The following ATP6V0D2 variants were observed in gnomAD, a reference collection of about 807,000 sequenced individuals.
ATP6V0D2 encodes V-type proton ATPase subunit d 2.
Under a neutral mutation model 40.0 loss-of-function variants are expected in ATP6V0D2, and 40 were observed. The observed-to-expected ratio is 1.00, with a 90% CI of 0.78 to 1.30. The LOEUF (loss-of-function observed/expected upper bound fraction) is 1.30, where lower values mean the gene tolerates loss of function less well. ATP6V0D2 is among the 50% of genes most tolerant of loss of function. The pLI is 0.00. For synonymous variants in ATP6V0D2, 179 were observed against 156.3 expected (o/e 1.15, Z -1.08); for missense variants, 470 against 423.1 (o/e 1.11, Z -0.97).
intron 3 of ATP6V0D2, among the ~76,000 whole-genome samples, chr8:86,140,330 A>G (rs944803270): frequency 2.0e-5 from 3 of 148,956 alleles, no homozygotes; most frequent in Middle Eastern, 3.2e-3. Context: ...TTTAAAAAGC[A>G]AAAAAAAAAT....
chr8:86,132,134 C>T (rs1179391569), intron 2 of ATP6V0D2, among the ~76,000 whole-genome samples: 1 of 152,142 alleles, frequency 6.6e-6, no homozygotes, highest in African/African-American at 2.4e-5. Flanking sequence ...TGATGTATAG[C>T]CCTGAGGTAT....
At chr8:86,123,684 C>T (rs1361339953) in intron 2 of ATP6V0D2, among the ~76,000 whole-genome samples, 3 of 152,044 alleles carry the variant, frequency 2.0e-5, no homozygotes, top group African/African-American at 4.8e-5. Context: ...AAAGGATTTG[C>T]AAGTAAGATA....
At chr8:86,151,563 A>G in intron 7 of ATP6V0D2, 23 bp downstream of exon 7, 3 of 1,557,740 alleles carry the variant, frequency 1.9e-6, no homozygotes, top group Non-Finnish European at 2.6e-6. Context: ...TGGAAATACT[A>G]TTAGCTTATT....
At chr8:86,150,369 C>A in intron 6 of ATP6V0D2, 81 bp downstream of exon 6, 1 of 1,341,610 alleles carries the variant, frequency 7.5e-7, no homozygotes, top group South Asian at 1.4e-5. Flanking sequence ...ATCAAATTTC[C>A]GCTTATACTC....
intron 2 of ATP6V0D2, among the ~76,000 whole-genome samples, chr8:86,120,215 GTGACA>G: frequency 2.0e-5 from 3 of 152,142 alleles, no homozygotes; most frequent in Non-Finnish European, 4.4e-5. Context: ...GGTGAACATA[GTGACA>G]CCCTGTCTCT....
chr8:86,121,738 A>G (rs187464396), intron 2 of ATP6V0D2, among the ~76,000 whole-genome samples: 1 of 145,366 alleles, frequency 6.9e-6, no homozygotes, highest in East Asian at 2.2e-4. Context: ...CTTCCAGTAT[A>G]TCTTGCAAAT....
intron 2 of ATP6V0D2, among the ~76,000 whole-genome samples, chr8:86,124,274 T>C (rs1818711121): frequency 6.6e-6 from 1 of 152,210 alleles, no homozygotes; most frequent in Non-Finnish European, 1.5e-5. Flanking sequence ...CTGGCGCTAT[T>C]CTGCCAAAGC....
chr8:86,119,384 G>A (rs779886678), intron 2 of ATP6V0D2, among the ~76,000 whole-genome samples: 2 of 151,748 alleles, frequency 1.3e-5, no homozygotes, highest in South Asian at 2.1e-4. Flanking sequence ...GCACACCACC[G>A]TACCCAGCTA....
rs1818555028 is a variant in ATP6V0D2 at position 86,113,702 on chromosome 8, AT to A, written c.131-4del. On this transcript the variant is annotated splice_region_variant and splice_polypyrimidine_tract_variant and intron_variant, in intron 1 of 7. Coordinates refer to ENST00000285393, the MANE Select transcript of ATP6V0D2 (RefSeq NM_152565.1). ...TTAACCTGAATTGGGGTTTCATTTA[AT>A]TTCAGACCTGAAAATTCATCTCCAG... The A allele has an allele frequency of 6.3e-7, 1 of 1,584,490 alleles. No homozygotes were observed. The highest frequency in any genetic ancestry group is 1.2e-5 in the South Asian group (1 of 86,472).
In ATP6V0D2 at chr8:86,113,761, C is replaced by A. The variant is rs573615992; in HGVS notation, c.183C>A (p.His61Gln). 933 of 1,613,096 alleles carry A rather than the reference C, an allele frequency of 5.8e-4. 12 individuals carry two copies. The South Asian group carries it at 9.7e-3, about 17-fold the overall frequency. Residue 61 changes from histidine (H) to glutamine (Q), a missense_variant, in exon 2 of 8, where the codon CAC becomes CAA. His to Gln is a conservative substitution (Grantham distance 24). Transcript: ENST00000285393. The stretch of plus-strand genomic sequence containing the variant: ...ATTATGGTAACTTTTTGGCTAATCA[C>A]ACAAATCCTCTTACTGTTTCCAAAA... ...TTDYGNFLANHTNPLTVSKID... is the reference protein window; with the variant it reads ...TTDYGNFLANQTNPLTVSKID...
chr8:86,142,998 T>C, intron 5 of ATP6V0D2, 44 bp downstream of exon 5: 2 of 1,352,956 alleles, frequency 1.5e-6, no homozygotes, highest in Admixed American at 3.9e-5. Flanking sequence ...ATAAGGTGCT[T>C]ACATATTTTT....
intron 2 of ATP6V0D2, among the ~76,000 whole-genome samples, chr8:86,125,253 T>C (rs180941314): frequency 1.2e-4 from 19 of 152,264 alleles, no homozygotes; most frequent in Non-Finnish European, 2.2e-4. Context: ...TGGGCAACTG[T>C]ATGGCAAGGC....
intron 2 of ATP6V0D2, among the ~76,000 whole-genome samples, chr8:86,132,389 ACT>A (rs1818837448): frequency 1.3e-5 from 2 of 151,896 alleles, no homozygotes; most frequent in Admixed American, 1.3e-4. Context: ...AACTATAGTC[ACT>A]CTGCTCTTAT....
chr8:86,133,248 G>T (rs1051388171), intron 2 of ATP6V0D2, among the ~76,000 whole-genome samples: 4 of 145,874 alleles, frequency 2.7e-5, no homozygotes, highest in South Asian at 2.2e-4. Context: ...ATACAAAAAT[G>T]CCCCCAAGGA....
At chr8:86,115,273 G>A (rs2130240812) in intron 2 of ATP6V0D2, among the ~76,000 whole-genome samples, 1 of 151,738 alleles carries the variant, frequency 6.6e-6, no homozygotes. Context: ...TCAAGGAGCA[G>A]GGAATGAAAA....
intron 5 of ATP6V0D2, among the ~76,000 whole-genome samples, chr8:86,145,807 A>C (rs1819061826): frequency 2.0e-5 from 3 of 152,214 alleles, no homozygotes. Flanking sequence ...TGTGAAATAA[A>C]AGTTATATCA....
chr8:86,112,825 A>G (rs1818541185), intron 1 of ATP6V0D2, among the ~76,000 whole-genome samples: 1 of 152,196 alleles, frequency 6.6e-6, no homozygotes, highest in East Asian at 1.9e-4. Context: ...GATGCATGGC[A>G]TGGTCTGGTG....
chr8:86,136,766 C>A (rs1311081710), intron 2 of ATP6V0D2, among the ~76,000 whole-genome samples: 1 of 152,152 alleles, frequency 6.6e-6, no homozygotes, highest in Non-Finnish European at 1.5e-5. Flanking sequence ...GTCTGTACCC[C>A]ATGCAGCCAG....
chr8:86,131,955 A>G (rs184146844), intron 2 of ATP6V0D2, among the ~76,000 whole-genome samples: 2 of 152,312 alleles, frequency 1.3e-5, no homozygotes, highest in East Asian at 1.9e-4. Context: ...TCCAAGGGTT[A>G]TGGAGACAGG....
Sources: allele counts gnomAD v4.1 joint callset (sites outside exome capture counted in the v4.1 genomes callset), GRCh38; gene constraint gnomAD v4.1.1; transcripts MANE v1.5; gene names NCBI Gene and HGNC (gene_info 2026-07-23, HGNC 2026-07-21).